PKIG: variants seen among roughly 807,000 people sequenced by gnomAD.
PKIG encodes cAMP-dependent protein kinase inhibitor gamma.
A neutral mutation model predicts 6.8 loss-of-function variants in PKIG; 1 was observed. That is an observed-to-expected ratio of 0.15 (90% confidence interval 0.05 to 0.69). PKIG has a LOEUF of 0.69. Ranked by LOEUF, PKIG falls within the 30% of genes least tolerant of loss-of-function variation. The pLI is 0.82. For missense variants in PKIG, 77 were observed against 104.0 expected (o/e 0.74, Z 1.13); for synonymous variants, 39 against 43.0 (o/e 0.91, Z 0.36).
intron 2 of PKIG, among the ~76,000 whole-genome samples, chr20:44,593,646 TGCA>T (rs2065052624): frequency 6.6e-6 from 1 of 152,138 alleles, no homozygotes; most frequent in African/African-American, 2.4e-5. Flanking sequence ...GTTACAAACT[TGCA>T]GTTATAAGAT....
chr20:44,546,447 G>A (rs140753429), intron 1 of PKIG, among the ~76,000 whole-genome samples: 10 of 152,202 alleles, frequency 6.6e-5, no homozygotes, highest in Non-Finnish European at 1.5e-4. Context: ...GGGTTACTGT[G>A]TATCAATTGA....
intron 1 of PKIG, among the ~76,000 whole-genome samples, chr20:44,542,245 A>G (rs900193710): frequency 6.6e-6 from 1 of 152,140 alleles, no homozygotes; most frequent in Admixed American, 6.5e-5. Flanking sequence ...CTCTGAGTCT[A>G]GGTTCCCTTA....
chr20:44,549,611 G>A (rs1005186387), intron 1 of PKIG, among the ~76,000 whole-genome samples: 1 of 152,108 alleles, frequency 6.6e-6, no homozygotes, highest in Non-Finnish European at 1.5e-5. Context: ...GATCACTTGA[G>A]CCCAGGAGTT....
At chr20:44,548,193 C>G (rs546702911) in intron 1 of PKIG, among the ~76,000 whole-genome samples, 7 of 151,994 alleles carry the variant, frequency 4.6e-5, no homozygotes, top group African/African-American at 7.2e-5. Flanking sequence ...CAAAAAAACC[C>G]AAAAAAGGTA....
chr20:44,602,580 C>T (rs1028892935), intron 2 of PKIG, among the ~76,000 whole-genome samples: 4 of 151,848 alleles, frequency 2.6e-5, no homozygotes, highest in African/African-American at 9.7e-5. Flanking sequence ...TGCCTGTAAT[C>T]CCAGCACTTT....
At chr20:44,538,761 T>C (rs1349895737) in intron 1 of PKIG, among the ~76,000 whole-genome samples, 1 of 152,138 alleles carries the variant, frequency 6.6e-6, no homozygotes, top group Non-Finnish European at 1.5e-5. Context: ...GGTATTCAGT[T>C]TCCTCAACAA....
chr20:44,609,701 C>T (rs1224765861), intron 2 of PKIG, among the ~76,000 whole-genome samples: 2 of 152,172 alleles, frequency 1.3e-5, no homozygotes, highest in Non-Finnish European at 2.9e-5. Flanking sequence ...AATTCCTGTT[C>T]CCGTGGAGCT....
chr20:44,578,305 T>C (rs546249153), upstream of PKIG, among the ~76,000 whole-genome samples: 350 of 142,952 alleles, frequency 2.4e-3, 1 homozygote, highest in Non-Finnish European at 4.0e-3. Context: ...TGCACCACTG[T>C]ACTCCAGCCT....
At chr20:44,608,144 T>C (rs2065183855) in intron 2 of PKIG, among the ~76,000 whole-genome samples, 1 of 152,196 alleles carries the variant, frequency 6.6e-6, no homozygotes, top group South Asian at 2.1e-4. Context: ...TAAGCTCTTA[T>C]CTCTGTCCTT....
chr20:44,555,982 AG>A (rs34814816), intron 1 of PKIG, among the ~76,000 whole-genome samples: 1 of 152,226 alleles, frequency 6.6e-6, no homozygotes, highest in African/African-American at 2.4e-5. Context: ...CTGGGACTAC[AG>A]GTGCGTGCCA....
At chr20:44,539,423 G>C (rs911430918) in intron 1 of PKIG, among the ~76,000 whole-genome samples, 23 of 138,794 alleles carry the variant, frequency 1.7e-4, no homozygotes, top group African/African-American at 2.6e-4. Context: ...TTCTTTCTTT[G>C]TTTTTTTTTT....
At chr20:44,559,383 G>A (rs1600851447) in intron 1 of PKIG, among the ~76,000 whole-genome samples, 1 of 152,196 alleles carries the variant, frequency 6.6e-6, no homozygotes. Context: ...CTTCATGGTT[G>A]TATCACTTAC....
At chr20:44,611,365 A>G (rs1205725087) in intron 2 of PKIG, among the ~76,000 whole-genome samples, 4 of 149,654 alleles carry the variant, frequency 2.7e-5, no homozygotes, top group African/African-American at 9.8e-5. Context: ...AGAATGCCTT[A>G]TTGTTAACCA....
chr20:44,617,773 G>A (rs1342532871), intron 3 of PKIG, among the ~76,000 whole-genome samples: 4 of 152,066 alleles, frequency 2.6e-5, no homozygotes, highest in East Asian at 1.9e-4. Context: ...GGCCGGGCAC[G>A]GTGGCTCACA....
rs369985783 is a variant in PKIG, at chr20:44,555,002, G to A, written c.-241+23024G>A. 3.5e-4 allele frequency among the ~76,000 whole-genome samples: 53 copies of A among 152,162 alleles called. No homozygotes were observed. The East Asian group carries it at 8.3e-3, about 24-fold the overall frequency. ...TTTTGGGTTTTACAGATTTGTTGAAGCTTAATATCATTTAAGTGTCCTATT... is the reference window on the plus strand; with the variant it reads ...TTTTGGGTTTTACAGATTTGTTGAAACTTAATATCATTTAAGTGTCCTATT... On this transcript the variant is annotated intron_variant, in intron 1 of 4. Coordinates refer to the PKIG transcript ENST00000372887.
chr20:44,605,021 A>G (rs868380769), intron 2 of PKIG, among the ~76,000 whole-genome samples: 2 of 152,330 alleles, frequency 1.3e-5, no homozygotes, highest in Middle Eastern at 3.4e-3. Context: ...AAAAAAATCT[A>G]AAGTCAAAAA....
chr20:44,547,325 A>G (rs1272239663), intron 1 of PKIG, among the ~76,000 whole-genome samples: 1 of 152,258 alleles, frequency 6.6e-6, no homozygotes, highest in African/African-American at 2.4e-5. Context: ...AGAAACCTCC[A>G]TTATCTATAA....
chr20:44,610,500 T>TCTCACACACACACACACACA (rs1555841182), intron 2 of PKIG, among the ~76,000 whole-genome samples: 223 of 135,394 alleles, frequency 1.6e-3, no homozygotes, highest in African/African-American at 5.0e-3. Flanking sequence ...TCTCTCTCTC[T>TCTCACACACACACACACACA]CACACACACA....
chr20:44,555,026 T>C (rs1200458594), intron 1 of PKIG, among the ~76,000 whole-genome samples: 7 of 152,236 alleles, frequency 4.6e-5, no homozygotes. Flanking sequence ...AAGTGTCCTA[T>C]TTTAATATCT....
Sources: gnomAD v4.1 joint callset for allele counts (sites outside exome capture counted in the v4.1 genomes callset) on GRCh38, gnomAD v4.1.1 for gene constraint, MANE v1.5 for transcripts, NCBI Gene and HGNC (gene_info 2026-07-23, HGNC 2026-07-21) for gene names.